The following SSBP2 variants were observed in gnomAD, a reference collection of about 807,000 sequenced individuals.
SSBP2 encodes the protein single stranded DNA binding protein 2.
SSBP2 carries 17 observed loss-of-function variants against 61.8 expected under a neutral mutation model. The ratio of observed to expected loss-of-function variants is 0.28; its 90% CI spans 0.19 to 0.41. The LOEUF (loss-of-function observed/expected upper bound fraction) is 0.41. Ranked by LOEUF, SSBP2 falls within the 10% of genes least tolerant of loss-of-function variation. The pLI is 1.00. For synonymous variants in SSBP2, 139 were observed against 141.3 expected (o/e 0.98, Z 0.12); for missense variants, 310 against 458.7 (o/e 0.68, Z 2.96).
chr5:81,642,723 C>T (rs1465121930), intron 2 of SSBP2, among the ~76,000 whole-genome samples: 2 of 152,084 alleles, frequency 1.3e-5, no homozygotes, highest in South Asian at 2.1e-4. Context: ...TATCATGGCA[C>T]ATTTCATAGA....
chr5:81,476,099 T>C (rs1405750111), intron 6 of SSBP2, among the ~76,000 whole-genome samples: 1 of 152,032 alleles, frequency 6.6e-6, no homozygotes, highest in Non-Finnish European at 1.5e-5. Flanking sequence ...TAAATATATA[T>C]CTATTATCAT....
In SSBP2 at chr5:81,459,737, A is replaced by G. The variant is rs57648398; in HGVS notation, c.687+1318T>C. Among the ~76,000 whole-genome samples the G allele has an allele frequency of 5.4e-3, 826 of 152,352 alleles. 5 individuals carry two copies. Among genetic ancestry groups the G allele is most frequent in the African/African-American group, 0.018 (769 of 41,586 alleles). On this transcript the variant is annotated intron_variant, in intron 10 of 16. Transcript: ENST00000320672. ...TGACCTGCTAGACAGGTGTGATTTTAAAGTGAAATCTTGAATGAATTGGTT... is the reference window on the plus strand; with the variant it reads ...TGACCTGCTAGACAGGTGTGATTTTGAAGTGAAATCTTGAATGAATTGGTT...
chr5:81,541,442 A>C (rs182646301), intron 4 of SSBP2, among the ~76,000 whole-genome samples: 158 of 151,134 alleles, frequency 1.0e-3, no homozygotes, highest in Middle Eastern at 3.4e-3. Flanking sequence ...ATAGCACCAA[A>C]AAAGAGCCAA....
intron 1 of SSBP2, among the ~76,000 whole-genome samples, chr5:81,704,729 G>C (rs775543753): frequency 7.4e-5 from 11 of 148,128 alleles, no homozygotes; most frequent in Non-Finnish European, 1.6e-4. Flanking sequence ...CCAGGAGGCG[G>C]AGGTTGCAGT....
intron 16 of SSBP2, among the ~76,000 whole-genome samples, chr5:81,422,588 A>G (rs1761680978): frequency 6.6e-6 from 1 of 152,212 alleles, no homozygotes; most frequent in Non-Finnish European, 1.5e-5. Context: ...GTGAAATTAC[A>G]TACTTGAACT....
chr5:81,690,408 G>C (rs1753114647), intron 1 of SSBP2, among the ~76,000 whole-genome samples: 1 of 152,028 alleles, frequency 6.6e-6, no homozygotes, highest in African/African-American at 2.4e-5. Flanking sequence ...GATTAAGAAA[G>C]ATATTCCATG....
At chr5:81,702,470 G>A (rs963508514) in intron 1 of SSBP2, among the ~76,000 whole-genome samples, 1 of 152,150 alleles carries the variant, frequency 6.6e-6, no homozygotes, top group African/African-American at 2.4e-5. Context: ...TTATATAAGG[G>A]CTCTCATGCA....
chr5:81,555,548 C>T (rs1772526464), intron 4 of SSBP2, among the ~76,000 whole-genome samples: 1 of 152,002 alleles, frequency 6.6e-6, no homozygotes, highest in South Asian at 2.1e-4. Context: ...TTTGCCTGAC[C>T]CTGCCACATT....
intron 4 of SSBP2, among the ~76,000 whole-genome samples, chr5:81,588,142 A>C (rs1240471450): frequency 6.6e-6 from 1 of 151,962 alleles, no homozygotes; most frequent in Non-Finnish European, 1.5e-5. Flanking sequence ...ATTTTAAAAA[A>C]AATTGTAGAG....
chr5:81,440,056 A>C lies in SSBP2; in HGVS notation c.928+502T>G, dbSNP rs144831741. ...GGCAGTGTTCTCTTAAAAGAGAATC[A>C]TTCAAATTATCCAGAATATGATTAA... On this transcript the variant is annotated intron_variant, in intron 14 of 16. Transcript: ENST00000320672. Among the ~76,000 whole-genome samples the C allele has an allele frequency of 7.1e-3, 1,079 of 152,316 alleles. 8 individuals carry two copies. The highest frequency in any genetic ancestry group is 0.019 in the South Asian group (93 of 4,822).
upstream of SSBP2, chr5:81,751,137 A>AC (rs538409044): frequency 4.0e-4 from 537 of 1,328,304 alleles, 1 homozygote; most frequent in East Asian, 8.6e-3. Context: ...CCACGCAGCC[A>AC]CCCCCACTAT....
intron 13 of SSBP2, among the ~76,000 whole-genome samples, chr5:81,442,058 A>G (rs1309904674): frequency 6.6e-6 from 1 of 152,168 alleles, no homozygotes; most frequent in Non-Finnish European, 1.5e-5. Context: ...ACACATGTAT[A>G]TGTGTATTAA....
chr5:81,549,671 A>G (rs1275227030), intron 4 of SSBP2, among the ~76,000 whole-genome samples: 2 of 152,308 alleles, frequency 1.3e-5, no homozygotes, highest in East Asian at 1.9e-4. Context: ...AATTATACCA[A>G]TTAGAGGGCT....
chr5:81,421,336 G>A (rs1761596254), intron 16 of SSBP2, among the ~76,000 whole-genome samples: 1 of 151,922 alleles, frequency 6.6e-6, no homozygotes, highest in Admixed American at 6.5e-5. Context: ...GGGACTACAG[G>A]CACACGCCAC....
At chr5:81,492,418 C>T (rs1337036724) in intron 5 of SSBP2, among the ~76,000 whole-genome samples, 5 of 152,088 alleles carry the variant, frequency 3.3e-5, no homozygotes, top group African/African-American at 7.2e-5. Flanking sequence ...GGAGGAGAAT[C>T]GCTTGAACCC....
chr5:81,508,384 A>C (rs1768341571), intron 5 of SSBP2, among the ~76,000 whole-genome samples: 1 of 152,166 alleles, frequency 6.6e-6, no homozygotes, highest in Non-Finnish European at 1.5e-5. Context: ...ACTCCAAGTA[A>C]ATAACTACAT....
At chr5:81,516,486 C>T (rs977647921) in intron 4 of SSBP2, among the ~76,000 whole-genome samples, 9 of 152,014 alleles carry the variant, frequency 5.9e-5, no homozygotes, top group African/African-American at 2.2e-4. Flanking sequence ...CAGTATAAAG[C>T]ACTAGTCCAC....
At chr5:81,539,904 C>A in intron 4 of SSBP2, among the ~76,000 whole-genome samples, 2 of 152,118 alleles carry the variant, frequency 1.3e-5, no homozygotes, top group Non-Finnish European at 2.9e-5. Context: ...AGCCCCCCAC[C>A]CCGACAGGCC....
intron 4 of SSBP2, among the ~76,000 whole-genome samples, chr5:81,533,295 A>G (rs1466611994): frequency 6.6e-6 from 1 of 152,068 alleles, no homozygotes; most frequent in Non-Finnish European, 1.5e-5. Context: ...TAGGTAAAAG[A>G]CAAAATTGCA....
Sources: gnomAD v4.1 joint callset for allele counts (sites outside exome capture counted in the v4.1 genomes callset) on GRCh38, gnomAD v4.1.1 for gene constraint, MANE v1.5 for transcripts, NCBI Gene and HGNC (gene_info 2026-07-23, HGNC 2026-07-21) for gene names.